UBE2D4: variants seen among roughly 807,000 people sequenced by gnomAD.
UBE2D4 encodes the protein ubiquitin-conjugating enzyme E2 D4.
A neutral mutation model predicts 23.0 loss-of-function variants in UBE2D4; 17 were observed. That is an observed-to-expected ratio of 0.74 (90% CI 0.51 to 1.11). The LOEUF (loss-of-function observed/expected upper bound fraction) is 1.11. Among genes scored for constraint, UBE2D4 ranks in the 50% least tolerant of loss-of-function variants. UBE2D4 has a pLI of 0.00. For missense variants in UBE2D4, 139 were observed against 181.8 expected, an observed-to-expected ratio of 0.76 and a Z score of 1.35; for synonymous variants, 61 against 69.4, an observed-to-expected ratio of 0.88 and a Z score of 0.60.
intron 4 of UBE2D4, chr7:43,943,285 G>A: frequency 1.7e-6 from 1 of 581,464 alleles, no homozygotes; most frequent in Non-Finnish European, 3.1e-6. Context: ...TTCTCCTTGT[G>A]ACTGTAGCTG....
At position 43,938,508 on chromosome 7, in the gene UBE2D4, G is replaced by A. The variant is rs1413076606; in HGVS notation, c.88+14G>A. Reference sequence around the variant, plus strand: ...TCGGTGATGACTGTAAGTATTTTGGGGGGCTTCAAGTTGTAGGAGCATTTT... The same window carrying A: ...TCGGTGATGACTGTAAGTATTTTGGAGGGCTTCAAGTTGTAGGAGCATTTT... On this transcript the variant is annotated intron_variant, in intron 2 of 6. Coordinates refer to ENST00000222402, the MANE Select transcript of UBE2D4 (RefSeq NM_015983.4). The A allele has an allele frequency of 6.2e-7, 1 of 1,613,510 alleles. No individual in the cohort carries two copies. The highest frequency in any genetic ancestry group is 1.7e-5 in the Admixed American group (1 of 59,970).
rs758158394 is a variant in UBE2D4 at position 43,926,504 on chromosome 7, G to C, written c.-29G>C. On this transcript the variant is annotated 5_prime_UTR_variant, in exon 1 of 7. Coordinates refer to ENST00000222402, the MANE Select transcript of UBE2D4 (RefSeq NM_015983.4). ...GGCCGCCTCAGGCAGCCCCGGCCGG[G>C]CCGCCCGGGTCCCCGGCAGCGGGGT... The C allele has an allele frequency of 6.6e-7, 1 of 1,510,252 alleles. No individual in the cohort carries two copies. The highest frequency in any genetic ancestry group is 1.3e-5 in the South Asian group (1 of 79,876). 93.6% of individuals were successfully genotyped at this position (1,510,252 alleles called of 1,614,324 possible). A position where few individuals can be genotyped will look rare whatever the true frequency, so the allele number is the denominator to read the frequency against.
intron 1 of UBE2D4, among the ~76,000 whole-genome samples, chr7:43,931,810 T>C (rs1229382502): frequency 6.6e-6 from 1 of 151,934 alleles, no homozygotes; most frequent in South Asian, 2.1e-4. Context: ...CTGATTCTCC[T>C]GTGTCAGCCT....
intron 1 of UBE2D4, among the ~76,000 whole-genome samples, chr7:43,927,543 G>A (rs1015783481): frequency 2.6e-5 from 4 of 152,010 alleles, no homozygotes; most frequent in Non-Finnish European, 2.9e-5. Context: ...GGGCTTAAGC[G>A]GTCCTCTTGC....
At chr7:43,942,322 A>G (rs2095974892) in intron 2 of UBE2D4, 1 of 171,674 alleles carries the variant, frequency 5.8e-6, no homozygotes, top group South Asian at 1.4e-4. Flanking sequence ...TCAAAAAACT[A>G]AAAAATAAAA....
intron 1 of UBE2D4, among the ~76,000 whole-genome samples, chr7:43,930,162 T>C (rs1413519556): frequency 6.6e-6 from 1 of 152,194 alleles, no homozygotes; most frequent in East Asian, 1.9e-4. Flanking sequence ...ATGAATTATG[T>C]CTCATGCTCA....
At chr7:43,951,627 C>T (rs1471187183) in intron 6 of UBE2D4, among the ~76,000 whole-genome samples, 7 of 152,028 alleles carry the variant, frequency 4.6e-5, no homozygotes, top group Admixed American at 3.9e-4. Context: ...ATCTTCCAGG[C>T]TCAACCTATC....
At chr7:43,926,692 A>T in intron 1 of UBE2D4, 136 bp downstream of exon 1, 2 of 915,656 alleles carry the variant, frequency 2.2e-6, no homozygotes, top group Non-Finnish European at 3.1e-6. Flanking sequence ...GAGGCAGAAC[A>T]GCCTCCCGCG....
intron 1 of UBE2D4, among the ~76,000 whole-genome samples, chr7:43,937,666 T>G (rs1199505304): frequency 6.6e-6 from 1 of 152,100 alleles, no homozygotes; most frequent in African/African-American, 2.4e-5. Flanking sequence ...AAATTTGAAG[T>G]GAAGGGGATA....
intron 5 of UBE2D4, 199 bp downstream of exon 5, chr7:43,948,936 C>A (rs529393307): frequency 5.5e-6 from 3 of 548,782 alleles, no homozygotes; most frequent in East Asian, 5.7e-5. Context: ...CGCTCCCTGG[C>A]GCTTCTCAGC....
chr7:43,937,409 T>TA (rs1010432424), intron 1 of UBE2D4, among the ~76,000 whole-genome samples: 5 of 152,242 alleles, frequency 3.3e-5, no homozygotes, highest in African/African-American at 1.2e-4. Flanking sequence ...GGTCCCCTTG[T>TA]ATGACCTCAC....
intron 4 of UBE2D4, chr7:43,947,030 G>GC (rs1562605660): frequency 1.3e-5 from 2 of 151,922 alleles, no homozygotes; most frequent in South Asian, 2.1e-4. Context: ...CCCTGCCTCA[G>GC]CCCCCACCCC....
chr7:43,945,309 A>T (rs2095983503), intron 4 of UBE2D4, among the ~76,000 whole-genome samples: 1 of 152,196 alleles, frequency 6.6e-6, no homozygotes, highest in African/African-American at 2.4e-5. Context: ...GGTTATTATT[A>T]AAAAACTAAG....
chr7:43,938,545 C>T (rs1283971522), intron 2 of UBE2D4, 51 bp downstream of exon 2: 1 of 1,584,236 alleles, frequency 6.3e-7, no homozygotes, highest in Non-Finnish European at 8.7e-7. Flanking sequence ...ATTAAGACCC[C>T]CCAACTTAGG....
chr7:43,943,209 C>G (rs903807210), intron 4 of UBE2D4, 178 bp downstream of exon 4: 17 of 653,830 alleles, frequency 2.6e-5, no homozygotes, highest in Non-Finnish European at 4.3e-5. Context: ...GGAATTAGCA[C>G]CTGTTGTGAT....
chr7:43,942,803 C>T (rs761827571), intron 2 of UBE2D4, 23 bp from the exon 3 acceptor site: 13 of 1,614,022 alleles, frequency 8.1e-6, no homozygotes, highest in Non-Finnish European at 1.1e-5. Context: ...CTCTTACATG[C>T]CCGTCTCTCT....
At chr7:43,930,726 T>G (rs938253808) in intron 1 of UBE2D4, among the ~76,000 whole-genome samples, 1 of 152,216 alleles carries the variant, frequency 6.6e-6, no homozygotes, top group African/African-American at 2.4e-5. Flanking sequence ...AGTGCTGGGA[T>G]TACAGGTGTG....
chr7:43,950,383 A>C (rs556631582), intron 5 of UBE2D4, among the ~76,000 whole-genome samples: 2 of 152,272 alleles, frequency 1.3e-5, no homozygotes, highest in South Asian at 2.1e-4. Flanking sequence ...CCAGGAGGGA[A>C]GTATCCTAGC....
rs1031846632 is a variant in UBE2D4, at chr7:43,952,465, G to C, written c.399-185G>C. On this transcript the variant is annotated intron_variant, in intron 6 of 6. Coordinates refer to ENST00000222402, the MANE Select transcript of UBE2D4 (RefSeq NM_015983.4). ...ACATGAGGGGTTCACCCAGCTGGGG[G>C]TTTACAGCCATGTCTGATGTGCTCC... 5.1e-6 allele frequency: 3 copies of C among 593,138 alleles called. No individual in the cohort carries two copies. The Admixed American group carries it at 8.2e-5, about 16-fold the overall frequency. 36.7% of individuals were successfully genotyped at this position (593,138 alleles called of 1,614,324 possible).
Sources: allele counts gnomAD v4.1 joint callset (sites outside exome capture counted in the v4.1 genomes callset), GRCh38; gene constraint gnomAD v4.1.1; transcripts MANE v1.5; gene names NCBI Gene and HGNC (gene_info 2026-07-23, HGNC 2026-07-21).